PRRC2C: variants seen among roughly 807,000 people sequenced by gnomAD.
PRRC2C encodes protein PRRC2C.
A neutral mutation model predicts 317.2 loss-of-function variants in PRRC2C; 72 were observed. That is an observed-to-expected ratio of 0.23 (90% confidence interval 0.19 to 0.28). The LOEUF is 0.28. Ranked by LOEUF, PRRC2C falls within the 10% of genes least tolerant of loss-of-function variation. PRRC2C has a pLI of 1.00. For missense variants in PRRC2C, 3,074 were observed against 3,459.7 expected, an observed-to-expected ratio of 0.89 and a Z score of 2.80; for synonymous variants, 1,296 against 1,205.9, an observed-to-expected ratio of 1.07 and a Z score of -1.55.
chr1:171,518,680 T>G (rs1379914197), intron 6 of PRRC2C, among the ~76,000 whole-genome samples: 1 of 147,910 alleles, frequency 6.8e-6, no homozygotes, highest in Non-Finnish European at 1.5e-5. Flanking sequence ...TTTTTTTTTT[T>G]TTGGTAGAGA....
chr1:171,525,876 TATAGG>T (rs1033320678), intron 10 of PRRC2C, among the ~76,000 whole-genome samples: 6 of 152,292 alleles, frequency 3.9e-5, no homozygotes, highest in African/African-American at 7.2e-5. Flanking sequence ...AGTAGTTTGA[TATAGG>T]AGAGAGGTAA....
chr1:171,523,195 C>T lies in PRRC2C; in HGVS notation c.834-26C>T, dbSNP rs756105024. ...AGTTTAGTATCATAAACTTTTGTAT[C>T]TTTTCCATGACCTGCCTTTCATTAG... On this transcript the variant is annotated intron_variant, in intron 7 of 34. Transcript: ENST00000647382. 26 of 1,574,730 alleles carry T rather than the reference C, an allele frequency of 1.7e-5. 1 individual carries two copies. The South Asian group carries it at 2.9e-4, about 18-fold the overall frequency.
intron 6 of PRRC2C, among the ~76,000 whole-genome samples, chr1:171,521,461 A>G (rs1341146449): frequency 6.6e-6 from 1 of 152,190 alleles, no homozygotes; most frequent in Non-Finnish European, 1.5e-5. Context: ...GGGACAGTTT[A>G]TAATGATCAT....
At chr1:171,539,138 A>C (rs1677431177) in intron 15 of PRRC2C, among the ~76,000 whole-genome samples, 1 of 152,006 alleles carries the variant, frequency 6.6e-6, no homozygotes. Flanking sequence ...AGTAGCTGGG[A>C]TTACAGGCAT....
chr1:171,592,104 T>G lies in PRRC2C; in HGVS notation c.*257T>G. The G allele has an allele frequency of 2.5e-6, 1 of 394,656 alleles. No homozygotes were observed. Among genetic ancestry groups the G allele is most frequent in the Non-Finnish European group, 4.5e-6 (1 of 222,926 alleles). The allele number at this position is 394,656 out of a possible 1,614,324, so 24.4% of individuals were successfully genotyped here. A position where few individuals can be genotyped will look rare whatever the true frequency, so the allele number is the denominator to read the frequency against. On this transcript the variant is annotated 3_prime_UTR_variant, in exon 35 of 35. Coordinates refer to ENST00000647382, the MANE Select transcript of PRRC2C (RefSeq NM_001387844.1). ...CATGCATCTTCAGTCAGAATTTATA[T>G]ATAAATGTATGCACCCATTTTTTTG...
At chr1:171,551,817 C>G (rs1680302192) in intron 18 of PRRC2C, among the ~76,000 whole-genome samples, 1 of 152,110 alleles carries the variant, frequency 6.6e-6, no homozygotes, top group African/African-American at 2.4e-5. Flanking sequence ...TTCCATTGGT[C>G]TGTATCTCTG....
intron 18 of PRRC2C, among the ~76,000 whole-genome samples, chr1:171,553,271 G>A (rs188366607): frequency 0.77 from 109,742 of 142,510 alleles, 41,270 homozygotes; most frequent in East Asian, 0.88. Flanking sequence ...AGTATTCTGT[G>A]ATGGTAGTTT....
chr1:171,565,428 G>A (rs1683460074), intron 20 of PRRC2C, among the ~76,000 whole-genome samples: 1 of 151,856 alleles, frequency 6.6e-6, no homozygotes, highest in African/African-American at 2.4e-5. Flanking sequence ...GCACAAAGAA[G>A]ATGCTCAACA....
At chr1:171,589,796 CT>C (rs1280705589) in intron 34 of PRRC2C, among the ~76,000 whole-genome samples, 191 bp downstream of exon 34, 5 of 140,238 alleles carry the variant, frequency 3.6e-5, no homozygotes, top group Non-Finnish European at 6.3e-5. Context: ...TCTTTTTTTT[CT>C]TTTTGTTTCT....
intron 28 of PRRC2C, among the ~76,000 whole-genome samples, chr1:171,583,007 A>G (rs1308619893): frequency 1.3e-5 from 2 of 152,122 alleles, no homozygotes; most frequent in Non-Finnish European, 2.9e-5. Flanking sequence ...TTTTGAGACA[A>G]GGTCTGTGTC....
chr1:171,552,043 T>A (rs1680347442), intron 18 of PRRC2C, among the ~76,000 whole-genome samples: 1 of 152,244 alleles, frequency 6.6e-6, no homozygotes. Context: ...ATCTGTAAAT[T>A]ACCTTGGGCA....
At chr1:171,552,253 GCTCT>G (rs1369971561) in intron 18 of PRRC2C, among the ~76,000 whole-genome samples, 1 of 151,904 alleles carries the variant, frequency 6.6e-6, no homozygotes, top group African/African-American at 2.4e-5. Flanking sequence ...TCATGATTTG[GCTCT>G]CTGTTTGTCT....
At chr1:171,534,163 T>C (rs1484684784) in intron 12 of PRRC2C, among the ~76,000 whole-genome samples, 1 of 152,160 alleles carries the variant, frequency 6.6e-6, no homozygotes, top group Non-Finnish European at 1.5e-5. Context: ...ATTTTATCTT[T>C]AATTTTTTTA....
rs1650589492 is a variant in PRRC2C, at chr1:171,588,566, A to C, written c.8199+61A>C. On this transcript the variant is annotated intron_variant, in intron 33 of 34. Coordinates refer to ENST00000647382, the MANE Select transcript of PRRC2C (RefSeq NM_001387844.1). ...CTTAAAAATAGTTGCTAATCTGATA[A>C]ATTATTATCTTGCCTTATGTTAACC... 3.9e-6 allele frequency: 6 copies of C among 1,526,920 alleles called. No homozygotes were observed. The Admixed American group carries it at 1.1e-4, about 29-fold the overall frequency. The allele number at this position is 1,526,920 out of a possible 1,614,324, so 94.6% of individuals were successfully genotyped here.
chr1:171,517,611 G>C lies in PRRC2C; in HGVS notation c.547G>C (p.Gly183Arg). 6.2e-7 allele frequency: 1 copy of C among 1,612,108 alleles called. No homozygotes were observed. Among genetic ancestry groups the C allele is most frequent in the Non-Finnish European group, 8.5e-7 (1 of 1,179,474 alleles). The change falls in exon 6 of 35, where the codon GGT becomes CGT. Residue 183 changes from glycine to arginine, a missense_variant. Physicochemically the swap from Gly to Arg is moderately radical, Grantham distance 125. This residue lies in a region of PRRC2C where 237 missense variants were observed against 199.5 expected (regional missense o/e 1.19). Coordinates refer to ENST00000647382, the MANE Select transcript of PRRC2C (RefSeq NM_001387844.1). Reference protein sequence around the residue: ...RPPNVACWRDGGKAAGSPSSS... With the variant: ...RPPNVACWRDRGKAAGSPSSS... ...ACTAGATGTTGCTTGTTGGAGAGAT[G>C]GTGGTAAGGCTGCTGGCTCACCTTC... is the stretch of plus-strand genomic sequence containing the variant.
intron 3 of PRRC2C, 123 bp from the exon 4 acceptor site, chr1:171,514,413 G>A: frequency 1.4e-6 from 1 of 696,890 alleles, no homozygotes; most frequent in Non-Finnish European, 2.4e-6. Flanking sequence ...AACATTTATT[G>A]GAGATTTACC....
At position 171,558,066 on chromosome 1, in the gene PRRC2C, C is replaced by T. The variant is rs1681787974; in HGVS notation, c.5954C>T (p.Ser1985Leu). 1.9e-6 allele frequency: 3 copies of T among 1,613,852 alleles called. No homozygotes were observed. Among genetic ancestry groups the T allele is most frequent in the African/African-American group, 1.3e-5 (1 of 74,910 alleles). Residue 1985 changes from serine (S) to leucine (L), a missense_variant, in exon 19 of 35, where the codon TCA becomes TTA. Physicochemically the swap from Ser to Leu is moderately radical, Grantham distance 145. This residue lies in a region of PRRC2C where 640 missense variants were observed against 676.1 expected (regional missense o/e 0.95). Transcript: ENST00000647382. ...GGAAAATCCATCCAGACCCCACAGT[C>T]ACATGGCACTCTGACAGCTGAATTA... ...ASGKSIQTPQ[S>L]HGTLTAELWD... is the part of the protein sequence containing the mutation.
chr1:171,590,394 A>G (rs764795068), intron 34 of PRRC2C, among the ~76,000 whole-genome samples: 8 of 152,162 alleles, frequency 5.3e-5, no homozygotes, highest in East Asian at 3.9e-4. Context: ...GTTTATTTCT[A>G]TATTTACTTT....
At chr1:171,564,590 C>G (rs149260512) in intron 20 of PRRC2C, among the ~76,000 whole-genome samples, 39 of 152,280 alleles carry the variant, frequency 2.6e-4, no homozygotes, top group African/African-American at 9.1e-4. Flanking sequence ...AACAGAGATA[C>G]GTCCTGAGAA....
Sources: gnomAD v4.1 joint callset for allele counts (sites outside exome capture counted in the v4.1 genomes callset) on GRCh38, gnomAD v4.1.1 for gene constraint, gnomAD v4.1.1 regional missense constraint, MANE v1.5 for transcripts, NCBI Gene and HGNC (gene_info 2026-07-23, HGNC 2026-07-21) for gene names.